The following EML5 variants were observed in gnomAD, a reference collection of about 807,000 sequenced individuals.
EML5 encodes EMAP like 5, also known as echinoderm microtubule-associated protein-like 5.
Under a neutral mutation model 250.0 loss-of-function variants are expected in EML5, and 120 were observed. That is an observed-to-expected ratio of 0.48 (90% CI 0.41 to 0.56). EML5 has a LOEUF of 0.56. Among genes scored for constraint, EML5 ranks in the 20% least tolerant of loss-of-function variants. EML5 has a pLI of 0.00. For missense variants in EML5, 2,006 were observed against 2,437.6 expected, an observed-to-expected ratio of 0.82 and a Z score of 3.73; for synonymous variants, 771 against 806.5, an observed-to-expected ratio of 0.96 and a Z score of 0.75.
At chr14:88,727,038 TTTGTTGTTG>T (rs74278116) in intron 7 of EML5, among the ~76,000 whole-genome samples, 3 of 151,242 alleles carry the variant, frequency 2.0e-5, no homozygotes, top group Non-Finnish European at 4.4e-5. Context: ...CTGGCTATGT[TTTGTTGTTG>T]TTGTTGTTGT....
intron 17 of EML5, 59 bp from the exon 18 acceptor site, chr14:88,688,532 A>C (rs2092889007): frequency 6.4e-7 from 1 of 1,558,654 alleles, no homozygotes; most frequent in Non-Finnish European, 8.8e-7. Flanking sequence ...ATTATAAAGA[A>C]GCAAAGTTTC....
Position 88,746,212 on chromosome 14 carries a change from C to CA in EML5, c.428dup (p.Leu143PhefsTer10). 1 of 1,613,264 alleles carries CA rather than the reference C, an allele frequency of 6.2e-7. No individual in the cohort carries two copies. Among genetic ancestry groups the CA allele is most frequent in the Non-Finnish European group, 8.5e-7 (1 of 1,179,468 alleles). On this transcript the variant is annotated frameshift_variant, in exon 3 of 44. Transcript: ENST00000554922. LOFTEE classifies it high-confidence loss of function. Reference sequence around the variant, plus strand: ...TATCTGTATGACCAGGAGCCATAGACAACATTTTTCCCCTTTTCCAGTCCC... The same window carrying CA: ...TATCTGTATGACCAGGAGCCATAGACAAACATTTTTCCCCTTTTCCAGTCCC...
Position 88,792,321 on chromosome 14 carries a change from G to A in EML5, c.183C>T (p.Ser61=). Residue 61 remains serine, a synonymous_variant, in exon 1 of 44, where the codon AGC becomes AGT. Coordinates refer to ENST00000554922, the MANE Select transcript of EML5 (RefSeq NM_183387.3). This position sits in a 1 kb window ranked among gnomAD's most constrained non-coding sequence, Gnocchi z 6.9. The part of the protein sequence containing the change: ...EHRQKFYRGH[S]DDIISLALHP... ...CTCCCCGGTACCTGATGATGTCGTC[G>A]CTGTGGCCCCGGTAGAACTTCTGCC... 3 of 1,559,406 alleles carry A rather than the reference G, an allele frequency of 1.9e-6. No homozygotes were observed. The highest frequency in any genetic ancestry group is 1.9e-5 in the Admixed American group (1 of 52,814).
chr14:88,744,549 AT>A lies in EML5; in HGVS notation c.457-459del, dbSNP rs572655053. Among the ~76,000 whole-genome samples the A allele has an allele frequency of 1.6e-3, 247 of 152,074 alleles. 1 individual carries two copies. Among genetic ancestry groups the A allele is most frequent in the African/African-American group, 5.8e-3 (239 of 41,530 alleles). ...GAATCCAAACACTGATTTTACAGTAATTTTTTTCACTGTTTAAAGGTCAAAG... is the reference window on the plus strand; with the variant it reads ...GAATCCAAACACTGATTTTACAGTAATTTTTTCACTGTTTAAAGGTCAAAG... On this transcript the variant is annotated intron_variant, in intron 3 of 43. Transcript: ENST00000554922.
At chr14:88,747,243 C>G (rs2094018136) in intron 2 of EML5, among the ~76,000 whole-genome samples, 1 of 152,048 alleles carries the variant, frequency 6.6e-6, no homozygotes, top group Non-Finnish European at 1.5e-5. Context: ...GAAACCCCGT[C>G]TCTACTAAAA....
chr14:88,704,814 G>T, intron 13 of EML5, 46 bp downstream of exon 13: 1 of 1,464,824 alleles, frequency 6.8e-7, no homozygotes, highest in Non-Finnish European at 9.5e-7. Flanking sequence ...GCTAGTAAGT[G>T]TGAACCAAAA....
chr14:88,642,080 T>C (rs955589677), intron 31 of EML5, among the ~76,000 whole-genome samples: 27 of 152,192 alleles, frequency 1.8e-4, no homozygotes, highest in African/African-American at 6.5e-4. Flanking sequence ...ATCATATTGA[T>C]GGTTAATACC....
At chr14:88,719,870 A>G (rs2093563155) in intron 8 of EML5, among the ~76,000 whole-genome samples, 1 of 152,170 alleles carries the variant, frequency 6.6e-6, no homozygotes, top group Non-Finnish European at 1.5e-5. Flanking sequence ...GAAAAAATTA[A>G]TAAAATAAAT....
chr14:88,684,852 G>A (rs12886799), intron 20 of EML5, among the ~76,000 whole-genome samples, 163 bp downstream of exon 20: 97,534 of 151,654 alleles, frequency 0.64, 33,375 homozygotes, highest in East Asian at 0.94. Context: ...TTCTGTATAC[G>A]TTAAAATTTT....
Position 88,705,486 on chromosome 14 carries a change from C to A in EML5, c.1928G>T (p.Arg643Leu), listed in dbSNP as rs539541344. ...IEQETQLTYR[R>L]QVYKEDLPQL... ...CCATGTGATATGGAAAATTACCTGT[C>A]GACGGTAGGTGAGCTGTGTCTCTTG... Residue 643 changes from arginine to leucine, a missense_variant, in exon 12 of 44, where the codon CGA (arginine) becomes CTA (leucine). Physicochemically the swap from Arg to Leu is moderately radical, Grantham distance 102. Transcript: ENST00000554922. The A allele has an allele frequency of 8.2e-6, 13 of 1,595,058 alleles. No homozygotes were observed. Among genetic ancestry groups the A allele is most frequent in the Non-Finnish European group, 1.1e-5 (13 of 1,169,010 alleles).
chr14:88,625,184 AATAG>A lies in EML5; in HGVS notation c.4741-61_4741-58del, dbSNP rs1285962760. Reference sequence around the variant, plus strand: ...TCATCAAAAGTTCAAATAGAGTTTAAATAGATAATTTTCTATGTATGTGTAATGC... The same window carrying A: ...TCATCAAAAGTTCAAATAGAGTTTAAATAATTTTCTATGTATGTGTAATGC... On this transcript the variant is annotated intron_variant, in intron 35 of 43. Transcript: ENST00000554922. 32 of 1,582,022 alleles carry A rather than the reference AATAG, an allele frequency of 2.0e-5. No homozygotes were observed. In the East Asian group the frequency reaches 4.3e-4, roughly 21 times the overall value.
intron 2 of EML5, among the ~76,000 whole-genome samples, chr14:88,748,187 T>C (rs1288345355): frequency 6.6e-6 from 1 of 152,094 alleles, no homozygotes; most frequent in Admixed American, 6.5e-5. Context: ...AAACTATCTA[T>C]AGTAAGATTT....
rs902798432 is a variant in EML5 at position 88,721,092 on chromosome 14, C to T, written c.1187+5449G>A. ...AAGTGAAAGACCTCTTTAAGGAGAA[C>T]TACAAACCACTGCACAAGGAAATAA... On this transcript the variant is annotated intron_variant, in intron 8 of 43. Transcript: ENST00000554922. Among the ~76,000 whole-genome samples, 6 of 152,200 alleles carry T rather than the reference C, an allele frequency of 3.9e-5. No homozygotes were observed. In the South Asian group the frequency reaches 8.3e-4, roughly 21 times the overall value.
At chr14:88,755,142 C>A (rs1028387700) in intron 1 of EML5, among the ~76,000 whole-genome samples, 1 of 152,128 alleles carries the variant, frequency 6.6e-6, no homozygotes, top group Non-Finnish European at 1.5e-5. Context: ...CTATAAAAAT[C>A]CATGCTAACA....
chr14:88,639,672 G>A (rs372184561), intron 31 of EML5, among the ~76,000 whole-genome samples: 1 of 152,088 alleles, frequency 6.6e-6, no homozygotes, highest in Admixed American at 6.6e-5. Context: ...CACTTCCCTG[G>A]TTCAAGCAAT....
intron 2 of EML5, among the ~76,000 whole-genome samples, chr14:88,750,366 T>C (rs776374644): frequency 1.3e-5 from 2 of 152,138 alleles, no homozygotes; most frequent in Non-Finnish European, 2.9e-5. Context: ...GTTAATGTTA[T>C]TTAATGTTTG....
chr14:88,782,625 A>G (rs1012776680), intron 1 of EML5, among the ~76,000 whole-genome samples: 5 of 151,746 alleles, frequency 3.3e-5, no homozygotes, highest in Admixed American at 6.6e-5. Context: ...TGTCCCCACC[A>G]CTCCAGCTGT....
intron 22 of EML5, among the ~76,000 whole-genome samples, chr14:88,664,894 A>G (rs1442073546): frequency 6.6e-6 from 1 of 151,854 alleles, no homozygotes; most frequent in Non-Finnish European, 1.5e-5. Flanking sequence ...TATTTAACAA[A>G]ACTCCCTCTA....
chr14:88,680,243 C>A (rs545181839), intron 21 of EML5, among the ~76,000 whole-genome samples: 2 of 151,914 alleles, frequency 1.3e-5, no homozygotes, highest in African/African-American at 4.8e-5. Flanking sequence ...TAATTACATG[C>A]AATTTTTTTG....
Sources: gnomAD v4.1 joint callset for allele counts (sites outside exome capture counted in the v4.1 genomes callset) on GRCh38, gnomAD v4.1.1 for gene constraint, Gnocchi (gnomAD v3.1) non-coding constraint, MANE v1.5 for transcripts, NCBI Gene and HGNC (gene_info 2026-07-23, HGNC 2026-07-21) for gene names.